Variants in SMG1 observed in about 807,000 individuals in gnomAD.
SMG1 encodes serine/threonine-protein kinase SMG1.
Under a neutral mutation model 419.9 loss-of-function variants are expected in SMG1, and 22 were observed. The observed-to-expected ratio is 0.05, with a 90% CI of 0.04 to 0.07. SMG1 has a LOEUF of 0.07. Among genes scored for constraint, SMG1 ranks in the 10% least tolerant of loss-of-function variants. The pLI is 1.00. For missense variants in SMG1, 3,185 were observed against 4,342.0 expected (o/e 0.73, Z 7.49); for synonymous variants, 1,538 against 1,553.5 (o/e 0.99, Z 0.23).
intron 25 of SMG1, chr16:18,861,014 G>A (rs1196270594): frequency 3.3e-5 from 13 of 399,488 alleles, no homozygotes; most frequent in Non-Finnish European, 5.0e-5. Context: ...GACTTTCAGT[G>A]GAGCTGACTC....
chr16:18,886,842 C>A (rs1011600117), intron 6 of SMG1, among the ~76,000 whole-genome samples: 2 of 151,722 alleles, frequency 1.3e-5, no homozygotes, highest in African/African-American at 2.4e-5. Flanking sequence ...TTGCAATAGC[C>A]AATGTTATAA....
At chr16:18,910,078 C>A (rs1001936468) in intron 1 of SMG1, among the ~76,000 whole-genome samples, 6 of 151,022 alleles carry the variant, frequency 4.0e-5, no homozygotes, top group African/African-American at 1.2e-4. Context: ...TACAGTACTA[C>A]AATTTCAAAT....
rs550149202 is a variant in SMG1 at position 18,809,243 on chromosome 16, G to A, written c.*326C>T. ...GGAGTTCCAAATCACTCTGTGCTCCGCGGCATCCCGATTTCTTTCCGCAGC... is the reference window on the plus strand; with the variant it reads ...GGAGTTCCAAATCACTCTGTGCTCCACGGCATCCCGATTTCTTTCCGCAGC... On this transcript the variant is annotated 3_prime_UTR_variant, in exon 63 of 63. Transcript: ENST00000446231. 8 of 286,018 alleles carry A rather than the reference G, an allele frequency of 2.8e-5. No individual in the cohort carries two copies. The highest frequency in any genetic ancestry group is 2.2e-4 in the East Asian group (3 of 13,540). 17.7% of individuals were successfully genotyped at this position (286,018 alleles called of 1,614,324 possible). A position where few individuals can be genotyped will look rare whatever the true frequency, so the allele number is the denominator to read the frequency against.
chr16:18,870,728 T>G lies in SMG1; in HGVS notation c.2391-17A>C. On this transcript the variant is annotated splice_polypyrimidine_tract_variant and intron_variant, in intron 17 of 62. Transcript: ENST00000446231. ...TCGACACATCTATGAAAGAACGAAA[T>G]AGACAAAGCAGGTGTGTTAACATTT... 4 of 1,594,146 alleles carry G rather than the reference T, an allele frequency of 2.5e-6. No individual in the cohort carries two copies. Among genetic ancestry groups the G allele is most frequent in the Non-Finnish European group, 3.4e-6 (4 of 1,168,456 alleles).
intron 11 of SMG1, 139 bp from the exon 12 acceptor site, chr16:18,877,371 GA>G: frequency 1.9e-6 from 1 of 535,052 alleles, no homozygotes; most frequent in Non-Finnish European, 3.3e-6. Context: ...TGGCATTCTG[GA>G]AAAGGCAAAA....
At chr16:18,845,361 T>C (rs968203032) in intron 39 of SMG1, 68 bp downstream of exon 39, 28 of 1,348,472 alleles carry the variant, frequency 2.1e-5, no homozygotes, top group Admixed American at 1.3e-4. Context: ...AGTCCACTTA[T>C]TGAAATTTCG....
Position 18,834,383 on chromosome 16 carries a change from G to C in SMG1, c.8386C>G (p.Leu2796Val). The C allele has an allele frequency of 6.2e-7, 1 of 1,613,890 alleles. No individual in the cohort carries two copies. Among genetic ancestry groups the C allele is most frequent in the Non-Finnish European group, 8.5e-7 (1 of 1,179,854 alleles). Residue 2796 changes from leucine to valine, a missense_variant, in exon 50 of 63, where the codon CTG becomes GTG. This residue lies in a region of SMG1 where 412 missense variants were observed against 546.6 expected (regional missense o/e 0.75). Coordinates refer to ENST00000446231, the MANE Select transcript of SMG1 (RefSeq NM_015092.5). ...AACCAGGCTCCATCCCGAGAAGTCA[G>C]ATCAACCAGCTGTTCTCCAGCACTT... ...ASSAGEQLVD[L>V]TSRDGAWFLE...
chr16:18,876,870 TTAAATTTATAA>T lies in SMG1; in HGVS notation c.1620+250_1620+260del, dbSNP rs895192194. ...CAACTTGTTTTACCCTTATGAAAAT[TTAAATTTATAA>T]TAAATTTATAATAAATTTAATAACA... is the stretch of plus-strand genomic sequence containing the variant. On this transcript the variant is annotated intron_variant, in intron 12 of 62. Coordinates refer to ENST00000446231, the MANE Select transcript of SMG1 (RefSeq NM_015092.5). Among the ~76,000 whole-genome samples the T allele has an allele frequency of 8.6e-5, 13 of 152,040 alleles. No individual in the cohort carries two copies. The East Asian group carries it at 9.6e-4, about 11-fold the overall frequency.
rs10593620 is a variant in SMG1, at chr16:18,912,081, C to CAA, written c.92+13867_92+13868dup. Among the ~76,000 whole-genome samples the CAA allele has an allele frequency of 9.6e-5, 10 of 104,304 alleles. No homozygotes were observed. The East Asian group carries it at 1.4e-3, about 15-fold the overall frequency. The allele number at this position is 104,304 out of a possible 152,430, so 68.4% of individuals were successfully genotyped here. On this transcript the variant is annotated intron_variant, in intron 1 of 62. Transcript: ENST00000446231. The stretch of plus-strand genomic sequence containing the variant: ...TGGGCAACAGAGCAAGATGCCATCT[C>CAA]AAAAAAAAAAAAAAAAAACCATTCT...
Position 18,808,660 on chromosome 16 carries a change from C to G in SMG1, c.*909G>C, listed in dbSNP as rs1000281397. The G allele has an allele frequency of 2.0e-5, 3 of 152,560 alleles. No homozygotes were observed. The highest frequency in any genetic ancestry group is 2.9e-5 in the Non-Finnish European group (2 of 68,014). 9.5% of individuals were successfully genotyped at this position (152,560 alleles called of 1,614,324 possible). On this transcript the variant is annotated 3_prime_UTR_variant, in exon 63 of 63. Coordinates refer to ENST00000446231, the MANE Select transcript of SMG1 (RefSeq NM_015092.5). The stretch of plus-strand genomic sequence containing the variant: ...CATTAAATCAAATGTCTGTTAGATT[C>G]ATTACTTTTGAATGCACAGTGACAA...
intron 57 of SMG1, 125 bp downstream of exon 57, chr16:18,817,166 C>A (rs1409266037): frequency 1.6e-6 from 1 of 625,242 alleles, no homozygotes; most frequent in Non-Finnish European, 2.3e-6. Context: ...TGTCCCCCCG[C>A]CCCCCTAACA....
chr16:18,926,098 G>T lies in SMG1; in HGVS notation c.-57C>A. On this transcript the variant is annotated 5_prime_UTR_variant, in exon 1 of 63. Transcript: ENST00000446231. The stretch of plus-strand genomic sequence containing the variant: ...GCCGCCCAAAGAAGCGCGAGTCGCC[G>T]CCCGAACCGGCCGCCGCCGACACCC... The T allele has an allele frequency of 6.9e-7, 1 of 1,455,844 alleles. No homozygotes were observed. The highest frequency in any genetic ancestry group is 9.1e-7 in the Non-Finnish European group (1 of 1,097,950). The allele number at this position is 1,455,844 out of a possible 1,614,324, so 90.2% of individuals were successfully genotyped here. A position where few individuals can be genotyped will look rare whatever the true frequency, so the allele number is the denominator to read the frequency against.
chr16:18,821,064 T>C (rs868394577), intron 55 of SMG1, among the ~76,000 whole-genome samples: 9 of 152,348 alleles, frequency 5.9e-5, no homozygotes, highest in African/African-American at 1.9e-4. Flanking sequence ...ATGCCCATGC[T>C]TGTTAGCTAC....
At chr16:18,855,039 C>A in intron 29 of SMG1, 135 bp from the exon 30 acceptor site, 1 of 786,968 alleles carries the variant, frequency 1.3e-6, no homozygotes. Flanking sequence ...ATCCTCAAAT[C>A]CCTAGCAGCT....
chr16:18,818,399 A>G (rs1381527059), intron 56 of SMG1, among the ~76,000 whole-genome samples: 1 of 151,740 alleles, frequency 6.6e-6, no homozygotes, highest in Non-Finnish European at 1.5e-5. Context: ...AAAAACAAAA[A>G]AAATTTTTTT....
chr16:18,887,516 C>CTTTG (rs749197007), intron 6 of SMG1, among the ~76,000 whole-genome samples: 1 of 110,138 alleles, frequency 9.1e-6, no homozygotes, highest in Non-Finnish European at 1.8e-5. Context: ...TTTTTTTTTC[C>CTTTG]TTTTTTTTTT....
chr16:18,845,742 A>G, intron 38 of SMG1, 91 bp from the exon 39 acceptor site: 1 of 888,936 alleles, frequency 1.1e-6, no homozygotes, highest in Non-Finnish European at 1.8e-6. Flanking sequence ...TCAATTGTTA[A>G]GTAAACAGTA....
At chr16:18,833,260 A>AT (rs2033331420) in intron 50 of SMG1, 94 bp from the exon 51 acceptor site, 1 of 794,612 alleles carries the variant, frequency 1.3e-6, no homozygotes, top group African/African-American at 1.7e-5. Flanking sequence ...GAGCAAACTT[A>AT]TGTAACTATG....
At chr16:18,919,339 T>G (rs2038096458) in intron 1 of SMG1, among the ~76,000 whole-genome samples, 1 of 146,846 alleles carries the variant, frequency 6.8e-6, no homozygotes, top group Admixed American at 6.8e-5. Context: ...AAAAAAAAAT[T>G]TATGACCGGG....
Sources: allele counts gnomAD v4.1 joint callset (sites outside exome capture counted in the v4.1 genomes callset), GRCh38; gene constraint gnomAD v4.1.1; regional missense constraint gnomAD v4.1.1; transcripts MANE v1.5; gene names NCBI Gene and HGNC (gene_info 2026-07-23, HGNC 2026-07-21).